CTNNBL1: variants seen among roughly 807,000 people sequenced by gnomAD.
The protein encoded by CTNNBL1 is catenin beta like 1.
In CTNNBL1, 31 loss-of-function variants were observed where a neutral mutation model predicts 72.7. The observed-to-expected ratio is 0.43, with a 90% CI of 0.32 to 0.58. The LOEUF (loss-of-function observed/expected upper bound fraction) is 0.58, where lower values mean the gene tolerates loss of function less well. CTNNBL1 is among the 20% of genes least tolerant of loss of function. The probability of loss-of-function intolerance (pLI) is 0.08; values close to 1 mark genes in which losing one functional copy is unlikely to be tolerated. For synonymous variants in CTNNBL1, 240 were observed against 267.3 expected (o/e 0.90, Z 1.00); for missense variants, 534 against 725.1 (o/e 0.74, Z 3.03).
intron 6 of CTNNBL1, among the ~76,000 whole-genome samples, chr20:37,766,791 GA>G (rs1275803944): frequency 6.6e-6 from 1 of 152,314 alleles, no homozygotes; most frequent in East Asian, 1.9e-4. Context: ...CCAGATAATG[GA>G]AGACCTTGTA....
At chr20:37,848,621 C>G (rs2072367837) in intron 13 of CTNNBL1, among the ~76,000 whole-genome samples, 1 of 152,160 alleles carries the variant, frequency 6.6e-6, no homozygotes, top group South Asian at 2.1e-4. Context: ...TCACCCTCTA[C>G]TGCCTCCCTG....
intron 15 of CTNNBL1, among the ~76,000 whole-genome samples, chr20:37,864,579 C>T (rs559348994): frequency 6.6e-6 from 1 of 152,324 alleles, no homozygotes; most frequent in African/African-American, 2.4e-5. Flanking sequence ...ACTGCTTACT[C>T]AGTGCTCCCG....
chr20:37,712,854 G>T lies in CTNNBL1; in HGVS notation c.30+18702G>T, dbSNP rs139469251. 2.8e-3 allele frequency among the ~76,000 whole-genome samples: 430 copies of T among 152,320 alleles called. 5 individuals carry two copies. The highest frequency in any genetic ancestry group is 0.017 in the East Asian group (89 of 5,182). On this transcript the variant is annotated intron_variant, in intron 1 of 15. Transcript: ENST00000361383. Reference sequence around the variant, plus strand: ...TCTGCAGAGGAACAGATTTCCTTCCGACCAGAAGTGCCGTTGGTGGGCACC... The same window carrying T: ...TCTGCAGAGGAACAGATTTCCTTCCTACCAGAAGTGCCGTTGGTGGGCACC...
intron 5 of CTNNBL1, among the ~76,000 whole-genome samples, chr20:37,761,977 C>T (rs1001353804): frequency 1.2e-4 from 18 of 152,300 alleles, no homozygotes; most frequent in East Asian, 3.9e-4. Context: ...GGCCAGACCA[C>T]GCTGGGCTCT....
chr20:37,864,328 A>G (rs1026726440), intron 15 of CTNNBL1, among the ~76,000 whole-genome samples: 16 of 151,774 alleles, frequency 1.1e-4, no homozygotes, highest in African/African-American at 3.9e-4. Context: ...TCTTTAACAT[A>G]CTAATTAGAT....
At chr20:37,748,908 T>C (rs966301071) in intron 4 of CTNNBL1, among the ~76,000 whole-genome samples, 2 of 152,370 alleles carry the variant, frequency 1.3e-5, no homozygotes, top group Admixed American at 1.3e-4. Flanking sequence ...GTAACTGCCA[T>C]ATGCCTAGCT....
At chr20:37,704,248 G>C (rs1400948716) in intron 1 of CTNNBL1, among the ~76,000 whole-genome samples, 1 of 152,218 alleles carries the variant, frequency 6.6e-6, no homozygotes, top group East Asian at 1.9e-4. Context: ...TAGAGTGTCA[G>C]TGCTGTCAGG....
chr20:37,837,223 T>G (rs1435246935), intron 11 of CTNNBL1, among the ~76,000 whole-genome samples: 1 of 152,170 alleles, frequency 6.6e-6, no homozygotes, highest in East Asian at 1.9e-4. Flanking sequence ...CTGAGCTCTG[T>G]TAGCTCGCCA....
At chr20:37,815,709 A>T (rs2072051283) in intron 11 of CTNNBL1, among the ~76,000 whole-genome samples, 1 of 152,178 alleles carries the variant, frequency 6.6e-6, no homozygotes, top group Admixed American at 6.5e-5. Context: ...ATCTAGGTTC[A>T]TTTGGGTTAT....
chr20:37,704,920 G>A (rs1227776181), intron 1 of CTNNBL1, among the ~76,000 whole-genome samples: 2 of 152,192 alleles, frequency 1.3e-5, no homozygotes, highest in Non-Finnish European at 1.5e-5. Flanking sequence ...GGTGAATTTG[G>A]TGAAGACAGC....
chr20:37,791,850 C>T lies in CTNNBL1; in HGVS notation c.1032-11017C>T, dbSNP rs541494255. On this transcript the variant is annotated intron_variant, in intron 10 of 15. Coordinates refer to ENST00000361383, the MANE Select transcript of CTNNBL1 (RefSeq NM_030877.5). The stretch of plus-strand genomic sequence containing the variant: ...AATCATCCCCTGCCCCGTGGAAAAA[C>T]TATCTTCCACTAAACTGGTCCCTGG... 5.3e-5 allele frequency among the ~76,000 whole-genome samples: 8 copies of T among 152,318 alleles called. No individual in the cohort carries two copies. In the East Asian group the frequency reaches 1.5e-3, roughly 29 times the overall value.
intron 7 of CTNNBL1, among the ~76,000 whole-genome samples, chr20:37,772,494 G>A (rs1037607148): frequency 9.2e-5 from 14 of 152,068 alleles, no homozygotes; most frequent in Non-Finnish European, 1.9e-4. Flanking sequence ...GACTACAGGC[G>A]CCCGCCACCA....
chr20:37,860,709 G>A (rs1239339958), intron 15 of CTNNBL1, among the ~76,000 whole-genome samples: 4 of 152,142 alleles, frequency 2.6e-5, no homozygotes, highest in Admixed American at 1.3e-4. Flanking sequence ...AAATACAAAC[G>A]TCCTTTCTTA....
rs1336066826 is a variant in CTNNBL1 at position 37,777,674 on chromosome 20, G to A, written c.844G>A (p.Glu282Lys). Reference protein sequence around the residue: ...DNDENRELLGELDGIDVLLQQ... With the variant: ...DNDENRELLGKLDGIDVLLQQ... The stretch of plus-strand genomic sequence containing the variant: ...TTTAGAAAACAGGGAATTGCTTGGG[G>A]AGCTGGATGGAATCGATGTGCTTCT... The change falls in exon 9 of 16, where the codon GAG (glutamate) becomes AAG (lysine). Residue 282 changes from glutamate (E) to lysine (K), a missense_variant. Physicochemically the swap from Glu to Lys is moderately conservative, Grantham distance 56 (BLOSUM62 1). Coordinates refer to ENST00000361383, the MANE Select transcript of CTNNBL1 (RefSeq NM_030877.5). The A allele has an allele frequency of 6.2e-7, 1 of 1,613,764 alleles. No homozygotes were observed. The highest frequency in any genetic ancestry group is 8.5e-7 in the Non-Finnish European group (1 of 1,179,752).
At chr20:37,845,003 A>G (rs1474758074) in intron 13 of CTNNBL1, among the ~76,000 whole-genome samples, 1 of 152,232 alleles carries the variant, frequency 6.6e-6, no homozygotes, top group African/African-American at 2.4e-5. Context: ...CTAAGCATAA[A>G]GTATAGAAAG....
In CTNNBL1 at chr20:37,700,081, G is replaced by A. The variant is rs373745645; in HGVS notation, c.30+5929G>A. ...TCCAGAGATTTCAAGGGATAAAAAC[G>A]CTTCATGTGGTAGACTGAGTGGGGC... On this transcript the variant is annotated intron_variant, in intron 1 of 15. Transcript: ENST00000361383. Among the ~76,000 whole-genome samples the A allele has an allele frequency of 2.2e-4, 33 of 152,278 alleles. 1 individual carries two copies. The South Asian group carries it at 6.6e-3, about 31-fold the overall frequency.
At chr20:37,711,279 T>C (rs1018353188) in intron 1 of CTNNBL1, among the ~76,000 whole-genome samples, 2 of 152,088 alleles carry the variant, frequency 1.3e-5, no homozygotes, top group African/African-American at 4.8e-5. Context: ...GGTAAGGAAA[T>C]AGGATGTTGT....
chr20:37,754,831 A>C (rs981775458), intron 4 of CTNNBL1, among the ~76,000 whole-genome samples: 5 of 150,710 alleles, frequency 3.3e-5, no homozygotes, highest in African/African-American at 1.2e-4. Context: ...TTTTTGAGAC[A>C]GGGTCTCGCT....
At chr20:37,739,280 C>G (rs561385204) in intron 3 of CTNNBL1, among the ~76,000 whole-genome samples, 2 of 152,100 alleles carry the variant, frequency 1.3e-5, no homozygotes, top group Non-Finnish European at 2.9e-5. Flanking sequence ...TTTGTTTCTA[C>G]TTAAATCATA....
Sources: gnomAD v4.1 joint callset for allele counts (sites outside exome capture counted in the v4.1 genomes callset) on GRCh38, gnomAD v4.1.1 for gene constraint, MANE v1.5 for transcripts, NCBI Gene and HGNC (gene_info 2026-07-23, HGNC 2026-07-21) for gene names.